Variants in KCNQ5 observed in about 807,000 individuals in gnomAD.
KCNQ5 encodes the protein potassium voltage-gated channel subfamily KQT member 5.
Under a neutral mutation model 98.2 loss-of-function variants are expected in KCNQ5, and 30 were observed. The observed-to-expected ratio is 0.31, with a 90% CI of 0.23 to 0.41. KCNQ5 has a LOEUF of 0.41. KCNQ5 is among the 10% of genes least tolerant of loss of function. The pLI, the probability that KCNQ5 is intolerant of heterozygous loss-of-function variation, is 1.00. For synonymous variants in KCNQ5, 458 were observed against 449.4 expected, an observed-to-expected ratio of 1.02 and a Z score of -0.24; for missense variants, 835 against 1,182.5, an observed-to-expected ratio of 0.71 and a Z score of 4.31.
At chr6:72,819,261 G>A (rs1047167297) in intron 1 of KCNQ5, among the ~76,000 whole-genome samples, 1 of 152,068 alleles carries the variant, frequency 6.6e-6, no homozygotes, top group African/African-American at 2.4e-5. Flanking sequence ...CATGGAGAAT[G>A]GGGTATCCAT....
At chr6:72,626,491 C>A (rs572688949) in intron 1 of KCNQ5, among the ~76,000 whole-genome samples, 15 of 152,314 alleles carry the variant, frequency 9.8e-5, no homozygotes, top group African/African-American at 3.6e-4. Context: ...TGGATAGATT[C>A]TGATGCTGAC....
At chr6:72,867,963 ACT>A (rs1562035199) in intron 1 of KCNQ5, among the ~76,000 whole-genome samples, 49 of 151,354 alleles carry the variant, frequency 3.2e-4, no homozygotes, top group African/African-American at 6.6e-4. Flanking sequence ...TACTACTACT[ACT>A]ACTACTAATA....
At chr6:73,059,297 C>T (rs1450046814) in intron 3 of KCNQ5, among the ~76,000 whole-genome samples, 1 of 152,118 alleles carries the variant, frequency 6.6e-6, no homozygotes, top group Non-Finnish European at 1.5e-5. Context: ...TTCACCTAAG[C>T]GAACTGACAC....
chr6:73,105,904 C>T (rs185833581), intron 6 of KCNQ5, among the ~76,000 whole-genome samples: 1 of 152,130 alleles, frequency 6.6e-6, no homozygotes, highest in East Asian at 1.9e-4. Context: ...ATTTATCTGC[C>T]CCCAAGCTTC....
At chr6:73,155,569 G>A (rs1030207349) in intron 10 of KCNQ5, among the ~76,000 whole-genome samples, 1 of 152,120 alleles carries the variant, frequency 6.6e-6, no homozygotes. Context: ...GGAGCTTCTG[G>A]GCCATCAGAA....
rs111623874 is a variant in KCNQ5 at position 72,849,094 on chromosome 6, G to A, written c.399-154814G>A. Among the ~76,000 whole-genome samples the A allele has an allele frequency of 5.9e-3, 878 of 149,788 alleles. 6 individuals are homozygous for A. The highest frequency in any genetic ancestry group is 0.021 in the African/African-American group (831 of 40,458). On this transcript the variant is annotated intron_variant, in intron 1 of 13. Coordinates refer to ENST00000370398, the MANE Select transcript of KCNQ5 (RefSeq NM_019842.4). Reference sequence around the variant, plus strand: ...GCAAATGATTTCGTTCTTTTTAATGGCTGAGTAGCGTATGTACACATACAC... The same window carrying A: ...GCAAATGATTTCGTTCTTTTTAATGACTGAGTAGCGTATGTACACATACAC...
intron 3 of KCNQ5, among the ~76,000 whole-genome samples, chr6:73,050,087 C>G (rs954785976): frequency 6.6e-6 from 1 of 152,042 alleles, no homozygotes; most frequent in Non-Finnish European, 1.5e-5. Context: ...TGTGGTGGAA[C>G]ACACTGGTAG....
rs1427504630 is a variant in KCNQ5, at chr6:73,063,729, A to AGAT, written c.617-13592_617-13590dup. Among the ~76,000 whole-genome samples, 1,072 of 110,444 alleles carry AGAT rather than the reference A, an allele frequency of 9.7e-3. 18 individuals are homozygous for AGAT. The highest frequency in any genetic ancestry group is 0.023 in the East Asian group (74 of 3,218). The allele number at this position is 110,444 out of a possible 152,430, so 72.5% of individuals were successfully genotyped here. ...ATAGATAGATAGATAGATGATAGAT[A>AGAT]GATAGATAGATAGATAGATAGATAG... On this transcript the variant is annotated intron_variant, in intron 3 of 13. Coordinates refer to ENST00000370398, the MANE Select transcript of KCNQ5 (RefSeq NM_019842.4).
chr6:72,897,635 G>T (rs905005145), intron 1 of KCNQ5, among the ~76,000 whole-genome samples: 13 of 151,968 alleles, frequency 8.6e-5, no homozygotes, highest in African/African-American at 3.1e-4. Context: ...AAAATACTTG[G>T]TAAACAAACA....
chr6:72,661,507 T>C (rs1286403670), intron 1 of KCNQ5, among the ~76,000 whole-genome samples: 2 of 152,160 alleles, frequency 1.3e-5, no homozygotes, highest in East Asian at 3.8e-4. Context: ...TGAGAATACA[T>C]AGAAGATTTT....
intron 1 of KCNQ5, among the ~76,000 whole-genome samples, chr6:72,830,086 A>G (rs1316506529): frequency 2.6e-5 from 4 of 152,196 alleles, no homozygotes; most frequent in Non-Finnish European, 4.4e-5. Flanking sequence ...ATGAAAGAGG[A>G]CACAAACAAA....
At chr6:72,630,570 C>G (rs2098920260) in intron 1 of KCNQ5, 1 of 152,136 alleles carries the variant, frequency 6.6e-6, no homozygotes, top group African/African-American at 2.4e-5. Flanking sequence ...ATTTAATGAT[C>G]AACTTTACTT....
chr6:72,658,574 ATATATTTT>A (rs1766326595), intron 1 of KCNQ5, among the ~76,000 whole-genome samples: 1 of 65,470 alleles, frequency 1.5e-5, no homozygotes, highest in African/African-American at 6.3e-5. Flanking sequence ...ATATATATAT[ATATATTTT>A]TTTTTTTTTT....
chr6:72,856,877 C>T (rs1388113713), intron 1 of KCNQ5, among the ~76,000 whole-genome samples: 1 of 152,190 alleles, frequency 6.6e-6, no homozygotes, highest in African/African-American at 2.4e-5. Flanking sequence ...GGTAGAAGAA[C>T]CCCAGACCCT....
At chr6:72,732,229 G>T (rs1413741171) in intron 1 of KCNQ5, among the ~76,000 whole-genome samples, 2 of 152,144 alleles carry the variant, frequency 1.3e-5, no homozygotes. Flanking sequence ...GTGGAGTGAG[G>T]AGTGATCTGA....
chr6:72,803,846 T>C (rs1774803209), intron 1 of KCNQ5, among the ~76,000 whole-genome samples: 1 of 152,146 alleles, frequency 6.6e-6, no homozygotes, highest in Non-Finnish European at 1.5e-5. Flanking sequence ...AATAATACTT[T>C]TGTTTGTGAG....
chr6:73,188,468 A>G (rs912176628), intron 11 of KCNQ5, among the ~76,000 whole-genome samples: 5 of 152,176 alleles, frequency 3.3e-5, no homozygotes, highest in African/African-American at 1.2e-4. Context: ...GCTACTTTGA[A>G]GACAGCAAAG....
chr6:73,081,171 G>T (rs922224870), intron 5 of KCNQ5, among the ~76,000 whole-genome samples: 3 of 152,176 alleles, frequency 2.0e-5, no homozygotes, highest in African/African-American at 7.2e-5. Flanking sequence ...AAGAGGCTTG[G>T]GAATTGGAGG....
At chr6:73,155,947 T>C (rs1051347959) in intron 10 of KCNQ5, among the ~76,000 whole-genome samples, 5 of 152,204 alleles carry the variant, frequency 3.3e-5, no homozygotes, top group Non-Finnish European at 7.3e-5. Context: ...TCTTGGTTAC[T>C]TAGCAGCATC....
Sources: gnomAD v4.1 joint callset for allele counts (sites outside exome capture counted in the v4.1 genomes callset) on GRCh38, gnomAD v4.1.1 for gene constraint, MANE v1.5 for transcripts, NCBI Gene and HGNC (gene_info 2026-07-23, HGNC 2026-07-21) for gene names.